The following TCF7L2 variants were observed in gnomAD, a reference collection of about 807,000 sequenced individuals.
The protein encoded by TCF7L2 is transcription factor 7 like 2, also known as transcription factor 7-like 2.
In TCF7L2, 23 loss-of-function variants were observed where a neutral mutation model predicts 77.9. The ratio of observed to expected loss-of-function variants is 0.30; its 90% CI spans 0.21 to 0.42. TCF7L2 has a LOEUF of 0.42. Ranked by LOEUF, TCF7L2 falls within the 10% of genes least tolerant of loss-of-function variation. The pLI is 1.00. For missense variants in TCF7L2, 654 were observed against 793.1 expected (o/e 0.82, Z 2.11); for synonymous variants, 413 against 340.2 (o/e 1.21, Z -2.36).
chr10:113,091,986 G>T (rs2060453339), intron 5 of TCF7L2, among the ~76,000 whole-genome samples: 1 of 152,172 alleles, frequency 6.6e-6, no homozygotes, highest in South Asian at 2.1e-4. Flanking sequence ...GGCTATTTAT[G>T]ATAAGATGAT....
At chr10:113,033,206 C>T (rs146487243) in intron 4 of TCF7L2, among the ~76,000 whole-genome samples, 54 of 146,998 alleles carry the variant, frequency 3.7e-4, no homozygotes, top group African/African-American at 1.4e-3. Flanking sequence ...CCTTCCCTTC[C>T]TCCTCCTCCT....
At chr10:112,982,368 C>T (rs963872186) in intron 4 of TCF7L2, among the ~76,000 whole-genome samples, 1 of 152,146 alleles carries the variant, frequency 6.6e-6, no homozygotes, top group Non-Finnish European at 1.5e-5. Context: ...GAGGCTCTGT[C>T]ACAGGGGCCT....
chr10:113,034,086 A>G (rs1030357382), intron 4 of TCF7L2, among the ~76,000 whole-genome samples: 2 of 152,324 alleles, frequency 1.3e-5, no homozygotes, highest in Admixed American at 6.5e-5. Flanking sequence ...TCCATCGTCC[A>G]TTTCTGAGAA....
chr10:112,981,983 C>T (rs1004083346), intron 4 of TCF7L2, among the ~76,000 whole-genome samples: 1 of 152,212 alleles, frequency 6.6e-6, no homozygotes. Context: ...AACTCACAGG[C>T]TCCCCACCTG....
chr10:113,103,647 G>A (rs1564898701), intron 5 of TCF7L2, among the ~76,000 whole-genome samples: 1 of 152,130 alleles, frequency 6.6e-6, no homozygotes, highest in Admixed American at 6.5e-5. Context: ...GTGATAGGAG[G>A]GGTTACAATG....
rs551221705 is a variant in TCF7L2, at chr10:113,091,586, G to A, written c.553-49598G>A. ...ACAAAAATTAGCCAGGCGTGGTGGCGCGTGCCCGTACTCCCAGCTACTCAG... is the reference window on the plus strand; with the variant it reads ...ACAAAAATTAGCCAGGCGTGGTGGCACGTGCCCGTACTCCCAGCTACTCAG... On this transcript the variant is annotated intron_variant, in intron 5 of 13. Transcript: ENST00000627217. Among the ~76,000 whole-genome samples the A allele has an allele frequency of 7.2e-5, 11 of 152,242 alleles. No individual in the cohort carries two copies. The East Asian group carries it at 7.7e-4, about 11-fold the overall frequency.
chr10:113,158,408 G>T (rs1215073121), intron 12 of TCF7L2, among the ~76,000 whole-genome samples: 1 of 152,152 alleles, frequency 6.6e-6, no homozygotes, highest in Non-Finnish European at 1.5e-5. Context: ...GAAGGGATGA[G>T]GAGGGGGCGG....
At chr10:113,000,779 C>G (rs906815430) in intron 4 of TCF7L2, among the ~76,000 whole-genome samples, 1 of 152,132 alleles carries the variant, frequency 6.6e-6, no homozygotes, top group African/African-American at 2.4e-5. Context: ...CTAGGCTCTG[C>G]CCCTGAAGAC....
intron 5 of TCF7L2, chr10:113,129,772 G>A: frequency 7.9e-7 from 1 of 1,268,816 alleles, no homozygotes; most frequent in Non-Finnish European, 1.0e-6. Context: ...GAGAAAAGCA[G>A]AAAGGGAGGA....
chr10:112,974,974 TTTTC>T (rs1362956604), intron 4 of TCF7L2, among the ~76,000 whole-genome samples: 1 of 82,134 alleles, frequency 1.2e-5, no homozygotes, highest in Non-Finnish European at 2.4e-5. Context: ...GCTTCTTTTT[TTTTC>T]TTTTTCTTTT....
chr10:112,956,619 TGA>T (rs2033678056), intron 3 of TCF7L2, among the ~76,000 whole-genome samples: 1 of 152,290 alleles, frequency 6.6e-6, no homozygotes, highest in East Asian at 1.9e-4. Context: ...TCTTCAACTC[TGA>T]CTTATAATTG....
At chr10:113,052,680 T>C (rs1479218679) in intron 5 of TCF7L2, among the ~76,000 whole-genome samples, 1 of 152,338 alleles carries the variant, frequency 6.6e-6, no homozygotes, top group Admixed American at 6.5e-5. Flanking sequence ...TTGCTCTCCA[T>C]GACCCATGTA....
chr10:113,090,357 A>G (rs922804469), intron 5 of TCF7L2, among the ~76,000 whole-genome samples: 9 of 152,220 alleles, frequency 5.9e-5, no homozygotes, highest in Non-Finnish European at 1.3e-4. Flanking sequence ...CTTTAAAAAC[A>G]TTTATTGTAT....
chr10:113,159,076 T>C (rs2072570104), intron 12 of TCF7L2, among the ~76,000 whole-genome samples: 1 of 152,104 alleles, frequency 6.6e-6, no homozygotes, highest in Non-Finnish European at 1.5e-5. Flanking sequence ...TCTAATGGCA[T>C]TTTTTTCATT....
chr10:113,161,664 C>G, intron 13 of TCF7L2: 1 of 1,518,254 alleles, frequency 6.6e-7, no homozygotes. Context: ...CGTCACGTGT[C>G]CCTCCCCTTC....
intron 4 of TCF7L2, among the ~76,000 whole-genome samples, chr10:113,028,773 T>A (rs2049677297): frequency 6.6e-6 from 1 of 152,160 alleles, no homozygotes; most frequent in African/African-American, 2.4e-5. Flanking sequence ...CCTTGAGAGC[T>A]CCCAGCCATG....
At chr10:112,951,034 G>T (rs1246416367) in intron 1 of TCF7L2, 89 bp downstream of exon 1, 2 of 1,483,754 alleles carry the variant, frequency 1.3e-6, no homozygotes, top group Non-Finnish European at 1.8e-6. Flanking sequence ...CGGGGCTGGG[G>T]GCGGCGGCGG....
chr10:113,142,135 G>A (rs940574237), intron 6 of TCF7L2, among the ~76,000 whole-genome samples: 1 of 152,216 alleles, frequency 6.6e-6, no homozygotes. Flanking sequence ...CTCCCAAGTA[G>A]CTGGGACTAC....
At position 113,052,003 on chromosome 10, in the gene TCF7L2, G is replaced by A. The variant is rs556489978; in HGVS notation, c.552+11877G>A. ...CTCCTCTACTTACTAACACTTACTT[G>A]TATTACTAGAAGCATTATTTTTTAA... is the stretch of plus-strand genomic sequence containing the variant. On this transcript the variant is annotated intron_variant, in intron 5 of 13. Coordinates refer to ENST00000627217, the MANE Select transcript of TCF7L2 (RefSeq NM_001146274.2). Among the ~76,000 whole-genome samples, 5 of 152,134 alleles carry A rather than the reference G, an allele frequency of 3.3e-5. 1 individual carries two copies. Among genetic ancestry groups the A allele is most frequent in the African/African-American group, 1.2e-4 (5 of 41,484 alleles).
Sources: gnomAD v4.1 joint callset for allele counts (sites outside exome capture counted in the v4.1 genomes callset) on GRCh38, gnomAD v4.1.1 for gene constraint, MANE v1.5 for transcripts, NCBI Gene and HGNC (gene_info 2026-07-23, HGNC 2026-07-21) for gene names.